SOX3: variants seen among roughly 807,000 people sequenced by gnomAD.
SOX3 encodes the protein transcription factor SOX-3.
A neutral mutation model predicts 4.6 loss-of-function variants in SOX3; 2 were observed. That is an observed-to-expected ratio of 0.43 (90% CI 0.18 to 1.36). SOX3 has a LOEUF of 1.36. Ranked by LOEUF, SOX3 falls within the 40% of genes most tolerant of loss-of-function variation. The pLI is 0.28. For synonymous variants in SOX3, 244 were observed against 215.9 expected (o/e 1.13, Z -1.14); for missense variants, 326 against 441.9 (o/e 0.74, Z 2.35).
Position 140,504,100 on chromosome X carries a change from T to C in SOX3, c.961A>G (p.Met321Val), listed in dbSNP as rs1927314606. ...GCGGCGGCCGCGGCAGCGACGTTCATGTAGCTCTGAGCGCCGGGCGGCATC... is the reference window on the plus strand; with the variant it reads ...GCGGCGGCCGCGGCAGCGACGTTCACGTAGCTCTGAGCGCCGGGCGGCATC... ...PMMPPGAQSY[M>V]NVAAAAAAAS... Residue 321 changes from methionine (M) to valine (V), a missense_variant, in exon 1 of 1, where the codon ATG (methionine) becomes GTG (valine). By Grantham distance (21) the Met-to-Val change is conservative. Around this residue, in one of 6 missense-constraint regions of SOX3, gnomAD observed 78 missense variants for 70.3 expected, o/e 1.11. Coordinates refer to ENST00000370536, the MANE Select transcript of SOX3 (RefSeq NM_005634.3). 5.0e-6 allele frequency: 5 copies of C among 1,009,016 alleles called. No individual in the cohort carries two copies. Among genetic ancestry groups the C allele is most frequent in the Admixed American group, 4.1e-5 (1 of 24,618 alleles). 83.2% of individuals were successfully genotyped at this position (1,009,016 alleles called of 1,213,427 possible). A position where few individuals can be genotyped will look rare whatever the true frequency, so the allele number is the denominator to read the frequency against.
Position 140,504,007 on chromosome X carries a change from G to A in SOX3, c.1054C>T (p.Pro352Ser). 1.0e-6 allele frequency: 1 copy of A among 982,765 alleles called. No individual in the cohort carries two copies. The highest frequency in any genetic ancestry group is 1.3e-6 in the Non-Finnish European group (1 of 783,266). 81.0% of individuals were successfully genotyped at this position (982,765 alleles called of 1,213,427 possible). A position where few individuals can be genotyped will look rare whatever the true frequency, so the allele number is the denominator to read the frequency against. ...AAAAAAYGQQ[P>S]ATAAAAAAAA... ...GCAGCTGCGGCCGCGGCGGTGGCGG[G>A]CTGCTGCCCGTAGGCGGCGGCCGCG... is the stretch of plus-strand genomic sequence containing the variant. Residue 352 changes from proline to serine, a missense_variant, in exon 1 of 1, where the codon CCC (proline) becomes TCC (serine). Coordinates refer to ENST00000370536, the MANE Select transcript of SOX3 (RefSeq NM_005634.3).
Position 140,505,028 on chromosome X carries a change from C to A in SOX3, c.33G>T (p.Ala11=). ...AATCAGCAGGAACCCGCGGGCTTCT[C>A]GCACCTGATGAGTTCTCTCGAACAG... MRPVRENSSG[A]RSPRVPADLA... The change falls in exon 1 of 1, where the codon GCG becomes GCT. Residue 11 remains alanine, a synonymous_variant. Transcript: ENST00000370536. 8.3e-7 allele frequency: 1 copy of A among 1,208,237 alleles called. No homozygotes were observed.
At position 140,504,296 on chromosome X, in the gene SOX3, G is replaced by T; in HGVS notation, c.765C>A (p.Gly255=). 1 of 1,075,503 alleles carries T rather than the reference G, an allele frequency of 9.3e-7. No individual in the cohort carries two copies. Among genetic ancestry groups the T allele is most frequent in the South Asian group, 2.7e-5 (1 of 37,691 alleles). 88.6% of individuals were successfully genotyped at this position (1,075,503 alleles called of 1,213,427 possible). A position where few individuals can be genotyped will look rare whatever the true frequency, so the allele number is the denominator to read the frequency against. ...AAAASSPVGV[G]QRLDTYTHVN... Reference sequence around the variant, plus strand: ...CGTGCGTGTACGTGTCCAGGCGCTGGCCCACGCCCACCGGACTGCTGGCGG... The same window carrying T: ...CGTGCGTGTACGTGTCCAGGCGCTGTCCCACGCCCACCGGACTGCTGGCGG... Residue 255 remains glycine, a synonymous_variant, in exon 1 of 1, where the codon GGC becomes GGA. Transcript: ENST00000370536.
Position 140,503,959 on chromosome X carries a change from C to G in SOX3, c.1102G>C (p.Gly368Arg), listed in dbSNP as rs2148334365. 9.1e-7 allele frequency: 1 copy of G among 1,103,573 alleles called. No homozygotes were observed. Among genetic ancestry groups the G allele is most frequent in the East Asian group, 3.6e-5 (1 of 27,827 alleles). 90.9% of individuals were successfully genotyped at this position (1,103,573 alleles called of 1,213,427 possible). ...GACTTCACTACCGAGCCCATGGGGC[C>G]CAGGCTCATGGCGGCTGCGGCCGCA... ...AAAAAAAMSL[G>R]PMGSVVKSEP... is the part of the protein sequence containing the mutation. Residue 368 changes from glycine to arginine, a missense_variant, in exon 1 of 1, where the codon GGC (glycine) becomes CGC (arginine). Gly to Arg is a moderately radical substitution (Grantham distance 125). This residue lies in a region of SOX3 where 64 missense variants were observed against 104.5 expected (regional missense o/e 0.61). Coordinates refer to ENST00000370536, the MANE Select transcript of SOX3 (RefSeq NM_005634.3).
rs760866780 is a variant in SOX3, at chrX:140,504,839, C to T, written c.222G>A (p.Pro74=). 1.7e-6 allele frequency: 2 copies of T among 1,174,486 alleles called. No homozygotes were observed. The highest frequency in any genetic ancestry group is 3.8e-5 in the South Asian group (2 of 52,943). Residue 74 remains proline (P), a synonymous_variant, in exon 1 of 1, where the codon CCG becomes CCA. Transcript: ENST00000370536. ...CAGTCTCCAGAAGGCTGTACATTGC[C>T]GGGGCGGGAAGAAGGTGCGCCAGCG... The part of the protein sequence containing the change: ...PATLAHLLPA[P]AMYSLLETEL...
Position 140,503,657 on chromosome X carries a change from G to A in SOX3, c.*63C>T. The A allele has an allele frequency of 9.2e-7, 1 of 1,091,918 alleles. No individual in the cohort carries two copies. The highest frequency in any genetic ancestry group is 1.8e-5 in the African/African-American group (1 of 54,837). The allele number at this position is 1,091,918 out of a possible 1,213,427, so 90.0% of individuals were successfully genotyped here. ...AAGCTAAACAAGGCGTCCCAACTTG[G>A]GGGTGCGGGGCGGGAGTGGGGGTGG... On this transcript the variant is annotated 3_prime_UTR_variant, in exon 1 of 1. Transcript: ENST00000370536.
rs747883604 is a variant in SOX3, at chrX:140,504,059, C to T, written c.1002G>A (p.Gly334=). The change falls in exon 1 of 1, where the codon GGG becomes GGA. Residue 334 remains glycine, a synonymous_variant. Transcript: ENST00000370536. ...AAAAAAASGY[G]GMAPSATAAA... is the part of the protein sequence containing the mutation. ...CTGCTGTGGCTGAGGGCGCCATGCC[C>T]CCGTAGCCCGAGGCGGCGGCGGCCG... 81 of 983,027 alleles carry T rather than the reference C, an allele frequency of 8.2e-5. No homozygotes were observed. In the South Asian group the frequency reaches 9.7e-4, roughly 12 times the overall value. 81.0% of individuals were successfully genotyped at this position (983,027 alleles called of 1,213,427 possible). A position where few individuals can be genotyped will look rare whatever the true frequency, so the allele number is the denominator to read the frequency against.
At position 140,504,990 on chromosome X, in the gene SOX3, A is replaced by G; in HGVS notation, c.71T>C (p.Ile24Thr). 8.3e-7 allele frequency: 1 copy of G among 1,208,780 alleles called. No homozygotes were observed. Among genetic ancestry groups the G allele is most frequent in the Non-Finnish European group, 1.1e-6 (1 of 894,458 alleles). ...CGGCGGGAAGGGTAGGCTTATCAAA[A>G]TGCTCCGCGCCAAATCAGCAGGAAC... ...PRVPADLARS[I>T]LISLPFPPDS... The change falls in exon 1 of 1, where the codon ATT becomes ACT. Residue 24 changes from isoleucine to threonine, a missense_variant. Physicochemically the swap from Ile to Thr is moderately conservative, Grantham distance 89. Transcript: ENST00000370536.
In SOX3 at chrX:140,504,083, C is replaced by A. The variant is rs1228466059; in HGVS notation, c.978G>T (p.Ala326=). The A allele has an allele frequency of 1.0e-6, 1 of 995,885 alleles. No individual in the cohort carries two copies. Among genetic ancestry groups the A allele is most frequent in the Non-Finnish European group, 1.3e-6 (1 of 789,606 alleles). The allele number at this position is 995,885 out of a possible 1,213,427, so 82.1% of individuals were successfully genotyped here. The change falls in exon 1 of 1, where the codon GCG becomes GCT. Residue 326 remains alanine, a synonymous_variant. Coordinates refer to ENST00000370536, the MANE Select transcript of SOX3 (RefSeq NM_005634.3). Reference sequence around the variant, plus strand: ...CCCCGTAGCCCGAGGCGGCGGCGGCCGCGGCAGCGACGTTCATGTAGCTCT... The same window carrying A: ...CCCCGTAGCCCGAGGCGGCGGCGGCAGCGGCAGCGACGTTCATGTAGCTCT... ...GAQSYMNVAA[A]AAAASGYGGM...
rs960365492 is a variant in SOX3 at position 140,503,953 on chromosome X, T to C, written c.1108A>G (p.Met370Val). The change falls in exon 1 of 1, where the codon ATG becomes GTG. Residue 370 changes from methionine (M) to valine (V), a missense_variant. By Grantham distance (21) the Met-to-Val change is conservative. This residue lies in a region of SOX3 where 64 missense variants were observed against 104.5 expected (regional missense o/e 0.61). Coordinates refer to ENST00000370536, the MANE Select transcript of SOX3 (RefSeq NM_005634.3). ...GGCTCAGACTTCACTACCGAGCCCA[T>C]GGGGCCCAGGCTCATGGCGGCTGCG... is the stretch of plus-strand genomic sequence containing the variant. ...AAAAAMSLGPMGSVVKSEPSS... is the reference protein window; with the variant it reads ...AAAAAMSLGPVGSVVKSEPSS... 1 of 1,148,049 alleles carries C rather than the reference T, an allele frequency of 8.7e-7. No homozygotes were observed. The highest frequency in any genetic ancestry group is 1.9e-5 in the African/African-American group (1 of 53,192). The allele number at this position is 1,148,049 out of a possible 1,213,427, so 94.6% of individuals were successfully genotyped here.
chrX:140,504,101 G>A lies in SOX3; in HGVS notation c.960C>T (p.Tyr320=), dbSNP rs1927314714. The A allele has an allele frequency of 4.9e-6, 5 of 1,020,725 alleles. No homozygotes were observed. The highest frequency in any genetic ancestry group is 6.2e-6 in the Non-Finnish European group (5 of 802,631). The allele number at this position is 1,020,725 out of a possible 1,213,427, so 84.1% of individuals were successfully genotyped here. A position where few individuals can be genotyped will look rare whatever the true frequency, so the allele number is the denominator to read the frequency against. The change falls in exon 1 of 1, where the codon TAC becomes TAT. Residue 320 remains tyrosine (Y), a synonymous_variant. Transcript: ENST00000370536. ...CGGCGGCCGCGGCAGCGACGTTCAT[G>A]TAGCTCTGAGCGCCGGGCGGCATCA... The part of the protein sequence containing the change: ...SPMMPPGAQS[Y]MNVAAAAAAA...
In SOX3 at chrX:140,505,055, T is replaced by G. The variant is rs972630116; in HGVS notation, c.6A>C (p.Arg2=). The G allele has an allele frequency of 8.3e-7, 1 of 1,204,620 alleles. No homozygotes were observed. The highest frequency in any genetic ancestry group is 3.0e-5 in the East Asian group (1 of 33,268). The part of the protein sequence containing the change: M[R]PVRENSSGAR... ...CACCTGATGAGTTCTCTCGAACAGG[T>G]CGCATTCACAGTCTGCCTGGGCTCT... is the stretch of plus-strand genomic sequence containing the variant. The change falls in exon 1 of 1, where the codon CGA becomes CGC. Residue 2 remains arginine, a synonymous_variant. Transcript: ENST00000370536.
At position 140,503,825 on chromosome X, in the gene SOX3, G is replaced by C. The variant is rs969740502; in HGVS notation, c.1236C>G (p.Ala412=). The C allele has an allele frequency of 1.9e-5, 22 of 1,180,184 alleles. No homozygotes were observed. Among genetic ancestry groups the C allele is most frequent in the Non-Finnish European group, 2.5e-5 (22 of 885,981 alleles). The change falls in exon 1 of 1, where the codon GCC becomes GCG. Residue 412 remains alanine (A), a synonymous_variant. Transcript: ENST00000370536. ...SMYLPPGGDA[A]DAASPLPGGR... is the part of the protein sequence containing the mutation. ...CGCCGGGCAGCGGAGAGGCGGCGTC[G>C]GCCGCGTCCCCGCCGGGTGGCAGGT... is the stretch of plus-strand genomic sequence containing the variant.
chrX:140,504,788 G>A lies in SOX3; in HGVS notation c.273C>T (p.Pro91=). 8.5e-7 allele frequency: 1 copy of A among 1,174,031 alleles called. No individual in the cohort carries two copies. The highest frequency in any genetic ancestry group is 1.1e-6 in the Non-Finnish European group (1 of 877,694). The change falls in exon 1 of 1, where the codon CCC becomes CCT. Residue 91 remains proline (P), a synonymous_variant. Transcript: ENST00000370536. The part of the protein sequence containing the change: ...ETELKNPVGT[P]TQAAGTGGPA... ...GGCCGCCGGTGCCCGCCGCTTGTGTGGGTGTCCCTACGGGGTTCTTGAGTT... is the reference window on the plus strand; with the variant it reads ...GGCCGCCGGTGCCCGCCGCTTGTGTAGGTGTCCCTACGGGGTTCTTGAGTT...
In SOX3 at chrX:140,503,371, T is replaced by C; in HGVS notation, c.*349A>G. The C allele has an allele frequency of 5.9e-6, 1 of 168,506 alleles. No homozygotes were observed. 13.9% of individuals were successfully genotyped at this position (168,506 alleles called of 1,213,427 possible). A position where few individuals can be genotyped will look rare whatever the true frequency, so the allele number is the denominator to read the frequency against. Reference sequence around the variant, plus strand: ...ATTCACTCCTTGGCTAACTGCAAACTAACAAGACAACATTTTCAAATGTAA... The same window carrying C: ...ATTCACTCCTTGGCTAACTGCAAACCAACAAGACAACATTTTCAAATGTAA... On this transcript the variant is annotated 3_prime_UTR_variant, in exon 1 of 1. Coordinates refer to ENST00000370536, the MANE Select transcript of SOX3 (RefSeq NM_005634.3).
rs1227413721 is a variant in SOX3, at chrX:140,504,176, C to A, written c.885G>T (p.Ala295=). The change falls in exon 1 of 1, where the codon GCG becomes GCT. Residue 295 remains alanine (A), a synonymous_variant. Coordinates refer to ENST00000370536, the MANE Select transcript of SOX3 (RefSeq NM_005634.3). ...PSMSSPPPPP[A]LPPMHRYDMA... is the part of the protein sequence containing the mutation. The stretch of plus-strand genomic sequence containing the variant: ...TGTCGTAGCGGTGCATCGGCGGCAG[C>A]GCGGGCGGCGGCGGCGGGCTGCTCA... 9.3e-7 allele frequency: 1 copy of A among 1,073,986 alleles called. No individual in the cohort carries two copies. 88.5% of individuals were successfully genotyped at this position (1,073,986 alleles called of 1,213,427 possible).
Position 140,505,016 on chromosome X carries a change from C to A in SOX3, c.45G>T (p.Arg15=). The A allele has an allele frequency of 8.3e-7, 1 of 1,208,843 alleles. No individual in the cohort carries two copies. Among genetic ancestry groups the A allele is most frequent in the Non-Finnish European group, 1.1e-6 (1 of 894,425 alleles). ...TGCTCCGCGCCAAATCAGCAGGAAC[C>A]CGCGGGCTTCTCGCACCTGATGAGT... ...RENSSGARSP[R]VPADLARSIL... The change falls in exon 1 of 1, where the codon CGG becomes CGT. Residue 15 remains arginine, a synonymous_variant. Transcript: ENST00000370536.
rs1927312942 is a variant in SOX3 at position 140,504,071 on chromosome X, G to A, written c.990C>T (p.Ala330=). ...YMNVAAAAAA[A]SGYGGMAPSA... ...AGGGCGCCATGCCCCCGTAGCCCGA[G>A]GCGGCGGCGGCCGCGGCAGCGACGT... The change falls in exon 1 of 1, where the codon GCC becomes GCT. Residue 330 remains alanine (A), a synonymous_variant. Transcript: ENST00000370536. 1.0e-6 allele frequency: 1 copy of A among 988,715 alleles called. No individual in the cohort carries two copies. Among genetic ancestry groups the A allele is most frequent in the African/African-American group, 2.0e-5 (1 of 49,458 alleles). The allele number at this position is 988,715 out of a possible 1,213,427, so 81.5% of individuals were successfully genotyped here.
Position 140,503,503 on chromosome X carries a change from A to C in SOX3, c.*217T>G. ...GTGAAAGGAGCAGCGGCGTGGGGCA[A>C]GAGAGCTCTCTAGAAGTCCCATTTT... On this transcript the variant is annotated 3_prime_UTR_variant, in exon 1 of 1. Transcript: ENST00000370536. 4.1e-5 allele frequency: 15 copies of C among 361,718 alleles called. No individual in the cohort carries two copies. Among genetic ancestry groups the C allele is most frequent in the Non-Finnish European group, 5.3e-5 (11 of 207,501 alleles). The allele number at this position is 361,718 out of a possible 1,213,427, so 29.8% of individuals were successfully genotyped here.
Sources: allele counts gnomAD v4.1 joint callset, GRCh38; gene constraint gnomAD v4.1.1; regional missense constraint gnomAD v4.1.1; transcripts MANE v1.5; gene names NCBI Gene and HGNC (gene_info 2026-07-23, HGNC 2026-07-21).